The following SPPL3 variants were observed in gnomAD, a reference collection of about 807,000 sequenced individuals.
SPPL3 encodes the protein signal peptide peptidase like 3, also known as signal peptide peptidase-like 3.
In SPPL3, 5 loss-of-function variants were observed where a neutral mutation model predicts 42.4. The ratio of observed to expected loss-of-function variants is 0.12; its 90% confidence interval spans 0.06 to 0.25. The LOEUF (loss-of-function observed/expected upper bound fraction) is 0.25, where lower values mean the gene tolerates loss of function less well. Among genes scored for constraint, SPPL3 ranks in the 10% least tolerant of loss-of-function variants. The probability of loss-of-function intolerance (pLI) is 1.00; values close to 1 mark genes in which losing one functional copy is unlikely to be tolerated. For synonymous variants in SPPL3, 195 were observed against 181.8 expected (o/e 1.07, Z -0.58); for missense variants, 235 against 489.0 (o/e 0.48, Z 4.90).
At chr12:120,881,377 G>A (rs553350325) in intron 1 of SPPL3, among the ~76,000 whole-genome samples, 2 of 144,250 alleles carry the variant, frequency 1.4e-5, no homozygotes, top group African/African-American at 5.2e-5. Flanking sequence ...GCTGAGGCAG[G>A]AGAATCACTT....
chr12:120,840,606 T>G (rs1275677212), intron 1 of SPPL3, among the ~76,000 whole-genome samples: 3 of 151,950 alleles, frequency 2.0e-5, no homozygotes, highest in Non-Finnish European at 4.4e-5. Flanking sequence ...CCGAGGCAGG[T>G]AGATCGATTG....
chr12:120,819,035 G>A (rs2137007469), intron 1 of SPPL3, among the ~76,000 whole-genome samples: 1 of 152,216 alleles, frequency 6.6e-6, no homozygotes, highest in South Asian at 2.1e-4. Flanking sequence ...GTCATATGTT[G>A]TTTGAACTGA....
chr12:120,794,797 CTATTT>C (rs1366737662), intron 2 of SPPL3, among the ~76,000 whole-genome samples: 1 of 152,098 alleles, frequency 6.6e-6, no homozygotes, highest in African/African-American at 2.4e-5. Context: ...CCTACTTGTC[CTATTT>C]TATTTCCCCT....
chr12:120,806,422 T>C (rs1393307734), intron 2 of SPPL3, among the ~76,000 whole-genome samples: 1 of 152,124 alleles, frequency 6.6e-6, no homozygotes, highest in Non-Finnish European at 1.5e-5. Flanking sequence ...TTTCATCAAA[T>C]GGTACTGGGA....
chr12:120,896,968 G>A (rs1336785067), intron 1 of SPPL3, among the ~76,000 whole-genome samples: 1 of 152,098 alleles, frequency 6.6e-6, no homozygotes, highest in African/African-American at 2.4e-5. Flanking sequence ...AGTTTCAGAT[G>A]CCAAAAACAG....
chr12:120,823,808 G>A (rs1871153193), intron 1 of SPPL3, among the ~76,000 whole-genome samples: 1 of 152,170 alleles, frequency 6.6e-6, no homozygotes, highest in Admixed American at 6.5e-5. Context: ...AAACATAGTG[G>A]GGTGAATTAA....
chr12:120,824,475 G>T (rs1871178284), intron 1 of SPPL3, among the ~76,000 whole-genome samples: 2 of 152,148 alleles, frequency 1.3e-5, no homozygotes, highest in African/African-American at 4.8e-5. Context: ...TACAGAGTAA[G>T]TTCTATAGCA....
chr12:120,853,986 ACAC>A (rs1872357378), intron 1 of SPPL3, among the ~76,000 whole-genome samples: 1 of 31,428 alleles, frequency 3.2e-5, no homozygotes, highest in East Asian at 5.8e-4. Context: ...GCACACATAC[ACAC>A]ACACACACAC....
intron 1 of SPPL3, among the ~76,000 whole-genome samples, chr12:120,842,345 A>G (rs1423905313): frequency 1.3e-5 from 2 of 152,198 alleles, no homozygotes; most frequent in Non-Finnish European, 1.5e-5. Flanking sequence ...TTGACCTAAG[A>G]TAAGGGCAGA....
chr12:120,809,792 C>T (rs887897737), intron 2 of SPPL3, among the ~76,000 whole-genome samples: 1 of 152,016 alleles, frequency 6.6e-6, no homozygotes, highest in Non-Finnish European at 1.5e-5. Context: ...AAGGCACAAC[C>T]CTATTAATAG....
intron 9 of SPPL3, among the ~76,000 whole-genome samples, chr12:120,766,836 A>G (rs1868926534): frequency 6.6e-6 from 1 of 152,206 alleles, no homozygotes. Flanking sequence ...ACCCATGTGA[A>G]TGAACTGCTG....
At chr12:120,829,925 T>C (rs372982763) in intron 1 of SPPL3, among the ~76,000 whole-genome samples, 30 of 145,702 alleles carry the variant, frequency 2.1e-4, no homozygotes, top group African/African-American at 6.4e-4. Flanking sequence ...ATGCGCGAGA[T>C]AGAGGTCGCA....
chr12:120,836,741 G>A (rs540950214), intron 1 of SPPL3, among the ~76,000 whole-genome samples: 1 of 152,354 alleles, frequency 6.6e-6, no homozygotes, highest in African/African-American at 2.4e-5. Flanking sequence ...GATACTTTCA[G>A]TGTTAGTTCC....
chr12:120,882,530 C>G (rs564725341), intron 1 of SPPL3, among the ~76,000 whole-genome samples: 1 of 152,162 alleles, frequency 6.6e-6, no homozygotes, highest in South Asian at 2.1e-4. Flanking sequence ...TATAAGCTTT[C>G]TTGAGACAGG....
chr12:120,855,663 C>A, intron 1 of SPPL3, among the ~76,000 whole-genome samples: 1 of 150,882 alleles, frequency 6.6e-6, no homozygotes, highest in Non-Finnish European at 1.5e-5. Context: ...CCACTGCACT[C>A]CAGCCTGGGC....
intron 1 of SPPL3, among the ~76,000 whole-genome samples, chr12:120,860,114 G>A (rs1872581887): frequency 1.3e-5 from 2 of 151,966 alleles, no homozygotes. Context: ...TGGGTGGGAG[G>A]ATCACTTGAG....
chr12:120,831,562 C>A (rs1871426622), intron 1 of SPPL3, among the ~76,000 whole-genome samples: 1 of 152,160 alleles, frequency 6.6e-6, no homozygotes, highest in South Asian at 2.1e-4. Context: ...GGTTAGGATA[C>A]CTTGGGAATT....
rs150080015 is a variant in SPPL3 at position 120,842,025 on chromosome 12, A to G, written c.24-31139T>C. ...CATCTAAAACTTCCATCATGCCCCA[A>G]TATTTGTTGAAATCTGGAATAGTAA... On this transcript the variant is annotated intron_variant, in intron 1 of 10. Transcript: ENST00000353487. Among the ~76,000 whole-genome samples, 50 of 152,356 alleles carry G rather than the reference A, an allele frequency of 3.3e-4. 1 individual carries two copies. Among genetic ancestry groups the G allele is most frequent in the Admixed American group, 2.9e-3 (45 of 15,296 alleles).
intron 2 of SPPL3, 71 bp downstream of exon 2, chr12:120,810,738 C>G (rs907528195): frequency 8.2e-7 from 1 of 1,214,772 alleles, no homozygotes; most frequent in African/African-American, 1.5e-5. Flanking sequence ...AGTTTTGGTA[C>G]CAGCACTTTC....
Sources: allele counts gnomAD v4.1 joint callset (sites outside exome capture counted in the v4.1 genomes callset), GRCh38; gene constraint gnomAD v4.1.1; transcripts MANE v1.5; gene names NCBI Gene and HGNC (gene_info 2026-07-23, HGNC 2026-07-21).